Variants in CNBD1 observed in about 807,000 individuals in gnomAD.
The protein encoded by CNBD1 is cyclic nucleotide binding domain containing 1, also known as cyclic nucleotide-binding domain-containing protein 1.
In CNBD1, 71 loss-of-function variants were observed where a neutral mutation model predicts 54.4. That is an observed-to-expected ratio of 1.30 (90% CI 1.08 to 1.59). The LOEUF (loss-of-function observed/expected upper bound fraction) is 1.59, where lower values mean the gene tolerates loss of function less well. Among genes scored for constraint, CNBD1 ranks in the 40% most tolerant of loss-of-function variants. CNBD1 has a pLI of 0.00. For synonymous variants in CNBD1, 182 were observed against 170.7 expected, an observed-to-expected ratio of 1.07 and a Z score of -0.51; for missense variants, 659 against 518.0, an observed-to-expected ratio of 1.27 and a Z score of -2.64.
chr8:86,955,744 G>A (rs984156372), intron 4 of CNBD1, among the ~76,000 whole-genome samples: 6 of 152,158 alleles, frequency 3.9e-5, no homozygotes, highest in Non-Finnish European at 8.8e-5. Flanking sequence ...TTTGTCAGAT[G>A]GGTAGTTTGT....
chr8:87,140,692 C>G (rs1236903068), intron 4 of CNBD1, among the ~76,000 whole-genome samples: 1 of 152,050 alleles, frequency 6.6e-6, no homozygotes, highest in Non-Finnish European at 1.5e-5. Flanking sequence ...AATTACAGTA[C>G]TATATCAAGA....
At position 87,338,857 on chromosome 8, in the gene CNBD1, C is replaced by A. The variant is rs71525093; in HGVS notation, c.1043-12828C>A. 9.1e-3 allele frequency among the ~76,000 whole-genome samples: 1,381 copies of A among 152,040 alleles called. 14 individuals are homozygous for A. The highest frequency in any genetic ancestry group is 0.019 in the South Asian group (91 of 4,804). On this transcript the variant is annotated intron_variant, in intron 8 of 10. Coordinates refer to ENST00000518476, the MANE Select transcript of CNBD1 (RefSeq NM_173538.3). ...GATAGAAGACACTACTATAAATAGA[C>A]CTTTAGTAATGTGGTTGTAAGGTGT...
intron 6 of CNBD1, among the ~76,000 whole-genome samples, chr8:87,247,545 A>G (rs956889251): frequency 1.3e-5 from 2 of 152,178 alleles, no homozygotes; most frequent in Admixed American, 1.3e-4. Context: ...AAATTCCTTG[A>G]CCATGTTGAA....
At chr8:86,975,134 T>C (rs1254543972) in intron 4 of CNBD1, among the ~76,000 whole-genome samples, 1 of 152,066 alleles carries the variant, frequency 6.6e-6, no homozygotes, top group Non-Finnish European at 1.5e-5. Flanking sequence ...ATAATAGTTG[T>C]ATTTTGTATG....
chr8:87,202,881 A>G (rs540218597), intron 4 of CNBD1, among the ~76,000 whole-genome samples: 1 of 152,260 alleles, frequency 6.6e-6, no homozygotes, highest in Admixed American at 6.5e-5. Flanking sequence ...ACTGCAGTGC[A>G]CTGGCTGTGT....
chr8:86,905,116 C>CTT lies in CNBD1; in HGVS notation c.194_195insTT (p.Phe66TyrfsTer3), dbSNP rs762052662. The CTT allele has an allele frequency of 5.0e-6, 8 of 1,611,768 alleles. No homozygotes were observed. Among genetic ancestry groups the CTT allele is most frequent in the Non-Finnish European group, 5.9e-6 (7 of 1,178,542 alleles). ...AGCAATATCTTATCAGCTCACGATA[C>CTT]ATTTATGAAGCAATATCCTAAAGTA... On this transcript the variant is annotated frameshift_variant, in exon 3 of 11. Transcript: ENST00000518476. LOFTEE classifies it high-confidence loss of function.
At chr8:86,957,164 C>T (rs1016029716) in intron 4 of CNBD1, among the ~76,000 whole-genome samples, 2 of 152,168 alleles carry the variant, frequency 1.3e-5, no homozygotes, top group Admixed American at 6.5e-5. Flanking sequence ...AGCCTTGCAT[C>T]CCAGGGATGA....
At chr8:87,313,024 T>G (rs1429592395) in intron 8 of CNBD1, among the ~76,000 whole-genome samples, 1 of 151,984 alleles carries the variant, frequency 6.6e-6, no homozygotes, top group African/African-American at 2.4e-5. Flanking sequence ...ATTATGTAAT[T>G]TTGGCTGCTT....
intron 4 of CNBD1, among the ~76,000 whole-genome samples, chr8:87,024,844 CTG>C (rs1489075674): frequency 1.3e-5 from 2 of 152,086 alleles, no homozygotes; most frequent in Admixed American, 6.5e-5. Flanking sequence ...CTACCTAAGA[CTG>C]TACAAATAAC....
At chr8:87,376,688 A>C (rs536666286) in intron 10 of CNBD1, among the ~76,000 whole-genome samples, 3 of 152,066 alleles carry the variant, frequency 2.0e-5, no homozygotes, top group South Asian at 2.1e-4. Context: ...GTTTTTCTGC[A>C]TTATTTCATT....
At position 87,255,989 on chromosome 8, in the gene CNBD1, A is replaced by G. The variant is rs1472448855; in HGVS notation, c.771+18877A>G. On this transcript the variant is annotated intron_variant, in intron 6 of 10. Transcript: ENST00000518476. ...CAGCTACAAATATATATATATATAT[A>G]TATATATATATATATATATATATAT... Among the ~76,000 whole-genome samples, 65 of 10,886 alleles carry G rather than the reference A, an allele frequency of 6.0e-3. 1 individual carries two copies. Among genetic ancestry groups the G allele is most frequent in the African/African-American group, 0.022 (45 of 2,062 alleles). 7.1% of individuals were successfully genotyped at this position (10,886 alleles called of 152,430 possible). A position where few individuals can be genotyped will look rare whatever the true frequency, so the allele number is the denominator to read the frequency against.
chr8:86,915,810 A>G lies in CNBD1; in HGVS notation c.272+10616A>G, dbSNP rs1809174917. On this transcript the variant is annotated intron_variant, in intron 3 of 10. Transcript: ENST00000518476. ...GTCTATTTTGCCACTCAGTAACTAT[A>G]TGACTTTGGAGAAGTCAATCTATCT... Among the ~76,000 whole-genome samples the G allele has an allele frequency of 2.6e-5, 4 of 152,316 alleles. No homozygotes were observed. The South Asian group carries it at 8.3e-4, about 32-fold the overall frequency.
At chr8:87,151,998 A>G (rs907810904) in intron 4 of CNBD1, among the ~76,000 whole-genome samples, 4 of 152,102 alleles carry the variant, frequency 2.6e-5, no homozygotes, top group African/African-American at 9.7e-5. Flanking sequence ...CTTTTTTATC[A>G]TCTTATTTAA....
At chr8:87,119,981 A>G (rs1273668130) in intron 4 of CNBD1, among the ~76,000 whole-genome samples, 2 of 151,928 alleles carry the variant, frequency 1.3e-5, no homozygotes, top group Non-Finnish European at 2.9e-5. Context: ...GTTTGCTGGT[A>G]TTTTGTTGAG....
At position 87,331,940 on chromosome 8, in the gene CNBD1, C is replaced by T. The variant is rs1275836252; in HGVS notation, c.1043-19745C>T. On this transcript the variant is annotated intron_variant, in intron 8 of 10. Coordinates refer to ENST00000518476, the MANE Select transcript of CNBD1 (RefSeq NM_173538.3). ...TTTTTCTTGTAAATTTGTTTAAATT[C>T]CCTGTAAATTCTGTATATTAGACAT... 2.0e-5 allele frequency among the ~76,000 whole-genome samples: 3 copies of T among 151,924 alleles called. No individual in the cohort carries two copies. The East Asian group carries it at 5.8e-4, about 29-fold the overall frequency.
intron 4 of CNBD1, among the ~76,000 whole-genome samples, chr8:87,140,965 G>A (rs747685484): frequency 6.6e-6 from 1 of 151,908 alleles, no homozygotes; most frequent in South Asian, 2.1e-4. Flanking sequence ...TTTCTTTAGC[G>A]AATATTAAGT....
chr8:87,291,373 T>G (rs1808780968), intron 8 of CNBD1, among the ~76,000 whole-genome samples: 1 of 152,142 alleles, frequency 6.6e-6, no homozygotes, highest in East Asian at 1.9e-4. Flanking sequence ...CAATTGAGAT[T>G]CTATTGCTCT....
At chr8:86,980,304 G>A (rs1435488618) in intron 4 of CNBD1, among the ~76,000 whole-genome samples, 10 of 152,232 alleles carry the variant, frequency 6.6e-5, no homozygotes, top group Admixed American at 5.9e-4. Flanking sequence ...CTGAGCAAGA[G>A]TACTATCCAG....
At chr8:87,331,497 A>C (rs1478520788) in intron 8 of CNBD1, among the ~76,000 whole-genome samples, 2 of 152,174 alleles carry the variant, frequency 1.3e-5, no homozygotes, top group Non-Finnish European at 2.9e-5. Context: ...TGTGTTTGCT[A>C]TTGTGAATAG....
Sources: gnomAD v4.1 joint callset for allele counts (sites outside exome capture counted in the v4.1 genomes callset) on GRCh38, gnomAD v4.1.1 for gene constraint, MANE v1.5 for transcripts, NCBI Gene and HGNC (gene_info 2026-07-23, HGNC 2026-07-21) for gene names.